Variants in MEIS1 observed in about 807,000 individuals in gnomAD.
MEIS1 encodes the protein Meis homeobox 1, also known as homeobox protein Meis1.
Under a neutral mutation model 50.8 loss-of-function variants are expected in MEIS1, and 5 were observed. That is an observed-to-expected ratio of 0.10 (90% CI 0.05 to 0.21). The LOEUF (loss-of-function observed/expected upper bound fraction) is 0.21, where lower values mean the gene tolerates loss of function less well. Among genes scored for constraint, MEIS1 ranks in the 10% least tolerant of loss-of-function variants. MEIS1 has a pLI of 1.00. For missense variants in MEIS1, 318 were observed against 517.3 expected (o/e 0.61, Z 3.74); for synonymous variants, 176 against 179.3 (o/e 0.98, Z 0.15).
intron 7 of MEIS1, among the ~76,000 whole-genome samples, chr2:66,506,520 C>G (rs566732649): frequency 6.6e-6 from 1 of 152,040 alleles, no homozygotes; most frequent in Non-Finnish European, 1.5e-5. Flanking sequence ...GGAAAAACAC[C>G]CAGGAGAGAG....
rs1178308527 is a variant in MEIS1, at chr2:66,466,998, A to G, written c.742+2778A>G. ...GGAAAGAAAAGAAAACAAAAAAGAA[A>G]TCCCCTAGGCTTTAGCCCTCTGTTA... On this transcript the variant is annotated intron_variant, in intron 7 of 12. Transcript: ENST00000272369. 7.2e-5 allele frequency among the ~76,000 whole-genome samples: 11 copies of G among 152,256 alleles called. 1 individual carries two copies. The East Asian group carries it at 2.1e-3, about 29-fold the overall frequency.
At chr2:66,466,646 A>C (rs913279106) in intron 7 of MEIS1, among the ~76,000 whole-genome samples, 1 of 152,262 alleles carries the variant, frequency 6.6e-6, no homozygotes, top group African/African-American at 2.4e-5. Context: ...AAGCTGTGCC[A>C]GCATTTGGCC....
At chr2:66,456,235 T>TATACACACAC (rs1553371816) in intron 6 of MEIS1, among the ~76,000 whole-genome samples, 1 of 147,514 alleles carries the variant, frequency 6.8e-6, no homozygotes, top group African/African-American at 2.6e-5. Context: ...ATGATTTTTA[T>TATACACACAC]ACACACACAC....
chr2:66,513,181 A>G (rs1422745189), intron 8 of MEIS1, among the ~76,000 whole-genome samples: 4 of 152,222 alleles, frequency 2.6e-5, no homozygotes, highest in Non-Finnish European at 5.9e-5. Context: ...AGGAATTTCA[A>G]TATTAGAGAC....
At chr2:66,504,417 G>C (rs939764777) in intron 7 of MEIS1, among the ~76,000 whole-genome samples, 2 of 151,832 alleles carry the variant, frequency 1.3e-5, no homozygotes, top group African/African-American at 4.8e-5. Context: ...TATTTTTTTA[G>C]TGGAGATGGG....
chr2:66,475,772 C>T (rs1353512695), intron 7 of MEIS1, among the ~76,000 whole-genome samples: 1 of 152,196 alleles, frequency 6.6e-6, no homozygotes, highest in Admixed American at 6.5e-5. Context: ...CTTACATTCC[C>T]CAGCTCCTAG....
At chr2:66,538,391 C>G (rs1307666621) in intron 8 of MEIS1, among the ~76,000 whole-genome samples, 2 of 152,164 alleles carry the variant, frequency 1.3e-5, no homozygotes, top group African/African-American at 4.8e-5. Context: ...CGCTGCCCAA[C>G]ATACAGTAAA....
Position 66,437,842 on chromosome 2 carries a change from AACCACG to A in MEIS1, c.119_124del (p.Asn40_Gly42delinsArg). On this transcript the variant is annotated inframe_deletion, in exon 2 of 13. Coordinates refer to ENST00000272369, the MANE Select transcript of MEIS1 (RefSeq NM_002398.3). ...GTCCATGCAGCCGGTCCACCACCTG[AACCACG>A]GGCCTCCTCTGCACTCGCATCAGTA... The A allele has an allele frequency of 6.2e-7, 1 of 1,613,880 alleles. No individual in the cohort carries two copies. The highest frequency in any genetic ancestry group is 8.5e-7 in the Non-Finnish European group (1 of 1,179,858).
chr2:66,535,121 T>G (rs1417659094), intron 8 of MEIS1, among the ~76,000 whole-genome samples: 1 of 152,150 alleles, frequency 6.6e-6, no homozygotes, highest in Non-Finnish European at 1.5e-5. Context: ...AGATAAACTT[T>G]GAGCTTCAGT....
chr2:66,516,174 T>C (rs1673963728), intron 8 of MEIS1, among the ~76,000 whole-genome samples: 1 of 152,204 alleles, frequency 6.6e-6, no homozygotes, highest in Admixed American at 6.5e-5. Context: ...GTCTAAAGTA[T>C]AATCTAAATA....
At chr2:66,439,582 C>T in intron 2 of MEIS1, 8 of 1,525,854 alleles carry the variant, frequency 5.2e-6, no homozygotes, top group Non-Finnish European at 7.0e-6. Context: ...CAAATGTTGC[C>T]AATTTCTCCG....
chr2:66,516,126 CTCTTT>C, intron 8 of MEIS1, among the ~76,000 whole-genome samples: 1 of 152,164 alleles, frequency 6.6e-6, no homozygotes, highest in Non-Finnish European at 1.5e-5. Context: ...AATCAAGGGT[CTCTTT>C]TCTTTTTTGT....
chr2:66,455,130 C>G (rs969277368), intron 6 of MEIS1, among the ~76,000 whole-genome samples: 4 of 152,106 alleles, frequency 2.6e-5, no homozygotes, highest in Admixed American at 2.6e-4. Context: ...GATACTTTTA[C>G]TAAGAATTTT....
chr2:66,558,581 G>C (rs1675134258), intron 9 of MEIS1, among the ~76,000 whole-genome samples: 2 of 152,144 alleles, frequency 1.3e-5, no homozygotes, highest in Non-Finnish European at 2.9e-5. Context: ...CATTAAAACA[G>C]AGGTCACAGT....
At chr2:66,481,655 AG>A (rs1190940874) in intron 7 of MEIS1, among the ~76,000 whole-genome samples, 2 of 152,060 alleles carry the variant, frequency 1.3e-5, no homozygotes, top group Non-Finnish European at 2.9e-5. Flanking sequence ...CCTCTCCATA[AG>A]GCTGACAGTA....
intron 8 of MEIS1, among the ~76,000 whole-genome samples, chr2:66,512,711 A>T (rs1168408002): frequency 6.6e-6 from 1 of 152,194 alleles, no homozygotes; most frequent in Non-Finnish European, 1.5e-5. Flanking sequence ...CAAAAATTTA[A>T]ATCATGTTGC....
chr2:66,513,596 T>TAA (rs540333917), intron 8 of MEIS1, among the ~76,000 whole-genome samples: 5 of 137,226 alleles, frequency 3.6e-5, no homozygotes, highest in Admixed American at 1.5e-4. Context: ...CAGGAATAGC[T>TAA]AAAAAAAAAA....
chr2:66,436,002 C>A (rs1298180863), intron 1 of MEIS1, 134 bp downstream of exon 1: 4 of 683,568 alleles, frequency 5.9e-6, no homozygotes, highest in Non-Finnish European at 6.9e-6. Flanking sequence ...GTGGCCTAAG[C>A]GAGAGGATTT....
At chr2:66,515,591 A>G (rs538096621) in intron 8 of MEIS1, among the ~76,000 whole-genome samples, 1 of 152,292 alleles carries the variant, frequency 6.6e-6, no homozygotes, top group East Asian at 1.9e-4. Flanking sequence ...ACTTGTATAT[A>G]ATGAAAATAA....
Sources: allele counts gnomAD v4.1 joint callset (sites outside exome capture counted in the v4.1 genomes callset), GRCh38; gene constraint gnomAD v4.1.1; transcripts MANE v1.5; gene names NCBI Gene and HGNC (gene_info 2026-07-23, HGNC 2026-07-21).